Variants in HIP1 observed in about 807,000 individuals in gnomAD.
The protein encoded by HIP1 is huntingtin interacting protein 1.
Under a neutral mutation model 147.6 loss-of-function variants are expected in HIP1, and 65 were observed. The observed-to-expected ratio is 0.44, with a 90% CI of 0.36 to 0.54. HIP1 has a LOEUF of 0.54. HIP1 is among the 20% of genes least tolerant of loss of function. The pLI is 0.00. For synonymous variants in HIP1, 479 were observed against 504.0 expected (o/e 0.95, Z 0.67); for missense variants, 1,061 against 1,299.6 (o/e 0.82, Z 2.82).
intron 1 of HIP1, among the ~76,000 whole-genome samples, chr7:75,716,875 T>C (rs1801341135): frequency 6.6e-6 from 1 of 151,450 alleles, no homozygotes; most frequent in African/African-American, 2.4e-5. Context: ...AGTGCAGTGG[T>C]GTGACCATAG....
At chr7:75,610,895 A>G (rs1406322001) in intron 1 of HIP1, among the ~76,000 whole-genome samples, 1 of 147,620 alleles carries the variant, frequency 6.8e-6, no homozygotes, top group Non-Finnish European at 1.5e-5. Flanking sequence ...TATTTATATA[A>G]AATATATATA....
In HIP1 at chr7:75,594,761, G is replaced by A. The variant is rs188344332; in HGVS notation, c.185-2247C>T. ...TGCACTCCAGCCTGGGCGACAGAGC[G>A]AGACTCCATCTCAAAAATAAACAAA... On this transcript the variant is annotated intron_variant, in intron 2 of 30. Coordinates refer to ENST00000336926, the MANE Select transcript of HIP1 (RefSeq NM_005338.7). Among the ~76,000 whole-genome samples the A allele has an allele frequency of 3.9e-4, 59 of 152,290 alleles. 1 individual carries two copies. In the East Asian group the frequency reaches 9.7e-3, roughly 25 times the overall value.
At chr7:75,713,123 C>T (rs554290753) in intron 1 of HIP1, among the ~76,000 whole-genome samples, 13 of 152,312 alleles carry the variant, frequency 8.5e-5, no homozygotes, top group African/African-American at 3.1e-4. Context: ...CTGAAAAGGG[C>T]CCTTGGAAGG....
intron 1 of HIP1, among the ~76,000 whole-genome samples, chr7:75,704,686 G>A (rs549286128): frequency 1.3e-3 from 198 of 152,222 alleles, no homozygotes; most frequent in African/African-American, 4.6e-3. Flanking sequence ...AGGTTCAAGC[G>A]ATCCTCCCGT....
At chr7:75,680,376 C>T (rs782204161) in intron 1 of HIP1, among the ~76,000 whole-genome samples, 1 of 152,164 alleles carries the variant, frequency 6.6e-6, no homozygotes, top group Non-Finnish European at 1.5e-5. Context: ...CCACCCATTT[C>T]TCTCTGCCTC....
chr7:75,622,040 T>C (rs1554507200), intron 1 of HIP1, among the ~76,000 whole-genome samples: 2 of 151,996 alleles, frequency 1.3e-5, no homozygotes, highest in East Asian at 3.9e-4. Flanking sequence ...TCCCAGCACT[T>C]TGGGAGGCCG....
chr7:75,727,176 T>C (rs1425149101), intron 1 of HIP1, among the ~76,000 whole-genome samples: 1 of 152,136 alleles, frequency 6.6e-6, no homozygotes, highest in Non-Finnish European at 1.5e-5. Context: ...AGTGGTGTGA[T>C]CATGGCTCAC....
chr7:75,623,210 C>CAAA (rs34787591), intron 1 of HIP1, among the ~76,000 whole-genome samples: 116 of 83,020 alleles, frequency 1.4e-3, no homozygotes, highest in African/African-American at 5.2e-3. Context: ...AAAAAAAAAG[C>CAAA]AAAAAAAAAA....
At chr7:75,674,771 G>A (rs575621977) in intron 1 of HIP1, among the ~76,000 whole-genome samples, 5 of 151,532 alleles carry the variant, frequency 3.3e-5, no homozygotes, top group Non-Finnish European at 5.9e-5. Context: ...GATTACAGGC[G>A]TGAGCCACCG....
At chr7:75,626,169 G>C (rs1423336590) in intron 1 of HIP1, 1 of 152,178 alleles carries the variant, frequency 6.6e-6, no homozygotes, top group Non-Finnish European at 1.5e-5. Context: ...AATGGACTAA[G>C]ACCAGGGCCA....
At chr7:75,660,768 G>GA (rs1799286199) in intron 1 of HIP1, among the ~76,000 whole-genome samples, 1 of 152,012 alleles carries the variant, frequency 6.6e-6, no homozygotes, top group African/African-American at 2.4e-5. Flanking sequence ...TACAAAAAAA[G>GA]AAAAAAGCAA....
At chr7:75,726,033 G>A (rs547626173) in intron 1 of HIP1, among the ~76,000 whole-genome samples, 33 of 152,114 alleles carry the variant, frequency 2.2e-4, no homozygotes, top group African/African-American at 6.0e-4. Flanking sequence ...TAGCTGAGAC[G>A]CGGTTTTACC....
intron 1 of HIP1, among the ~76,000 whole-genome samples, chr7:75,731,501 G>A (rs114374656): frequency 0.022 from 2,930 of 135,054 alleles, 114 homozygotes; most frequent in African/African-American, 0.076. Flanking sequence ...AAAAAAAAAC[G>A]CCAGCTCTGA....
intron 1 of HIP1, among the ~76,000 whole-genome samples, chr7:75,631,912 C>T (rs989029632): frequency 4.0e-5 from 6 of 151,784 alleles, no homozygotes; most frequent in East Asian, 1.9e-4. Context: ...AGGGGAAAGA[C>T]GGCAGGAAAT....
intron 18 of HIP1, 140 bp from the exon 19 acceptor site, chr7:75,555,691 G>A: frequency 1.1e-6 from 1 of 938,758 alleles, no homozygotes; most frequent in Admixed American, 2.5e-5. Context: ...GACAGAGAAA[G>A]GCGCTTTAAC....
At chr7:75,687,963 C>T (rs2240134) in intron 1 of HIP1, among the ~76,000 whole-genome samples, 53,703 of 151,924 alleles carry the variant, frequency 0.35, 9,751 homozygotes, top group South Asian at 0.39. Flanking sequence ...GAGTCCTGGG[C>T]TGTAAGAGTT....
At chr7:75,587,554 C>T (rs1796330769) in intron 4 of HIP1, among the ~76,000 whole-genome samples, 1 of 152,174 alleles carries the variant, frequency 6.6e-6, no homozygotes, top group African/African-American at 2.4e-5. Flanking sequence ...CCAATTCAAA[C>T]CAGTTGAAAT....
intron 1 of HIP1, among the ~76,000 whole-genome samples, chr7:75,715,774 C>CAAAAAAA (rs34769081): frequency 1.1e-4 from 4 of 36,714 alleles, no homozygotes; most frequent in Non-Finnish European, 1.8e-4. Context: ...GATCCTGTCT[C>CAAAAAAA]AAAAAAAAAA....
intron 1 of HIP1, among the ~76,000 whole-genome samples, chr7:75,617,789 G>A (rs1327096312): frequency 6.6e-6 from 1 of 152,198 alleles, no homozygotes; most frequent in Non-Finnish European, 1.5e-5. Context: ...TGTCGTCATG[G>A]AGGAAACCTT....
Sources: gnomAD v4.1 joint callset for allele counts (sites outside exome capture counted in the v4.1 genomes callset) on GRCh38, gnomAD v4.1.1 for gene constraint, MANE v1.5 for transcripts, NCBI Gene and HGNC (gene_info 2026-07-23, HGNC 2026-07-21) for gene names.